Variants in HNMT observed in about 807,000 individuals in gnomAD.
HNMT encodes the protein histamine N-methyltransferase.
HNMT carries 30 observed loss-of-function variants against 32.1 expected under a neutral mutation model. That is an observed-to-expected ratio of 0.93 (90% CI 0.70 to 1.27). HNMT has a LOEUF of 1.27. HNMT is among the 50% of genes most tolerant of loss of function. The pLI, the probability that HNMT is intolerant of heterozygous loss-of-function variation, is 0.00. For missense variants in HNMT, 327 were observed against 346.0 expected, an observed-to-expected ratio of 0.95 and a Z score of 0.43; for synonymous variants, 125 against 119.0, an observed-to-expected ratio of 1.05 and a Z score of -0.33.
At chr2:137,967,219 T>A in intron 1 of HNMT, 1 of 703,488 alleles carries the variant, frequency 1.4e-6, no homozygotes, top group Non-Finnish European at 2.6e-6. Context: ...GAGACCAGCC[T>A]GGGCAACATA....
intron 2 of HNMT, among the ~76,000 whole-genome samples, chr2:137,981,939 C>T (rs761775166): frequency 6.6e-6 from 1 of 152,114 alleles, no homozygotes; most frequent in South Asian, 2.1e-4. Flanking sequence ...CTGCAACCTC[C>T]GTCTCTCAGG....
rs182345078 is a variant in HNMT, at chr2:138,011,998, G to C, written c.524-1777G>C. Among the ~76,000 whole-genome samples the C allele has an allele frequency of 1.1e-4, 16 of 152,182 alleles. No individual in the cohort carries two copies. The East Asian group carries it at 2.5e-3, about 24-fold the overall frequency. On this transcript the variant is annotated intron_variant, in intron 5 of 5. Transcript: ENST00000280097. ...TCTTTATTACTGCCCTGTACTGACT[G>C]TGTATGTAATATGCATGTATTAGAA... is the stretch of plus-strand genomic sequence containing the variant.
At chr2:137,978,311 C>T (rs948264389) in intron 2 of HNMT, among the ~76,000 whole-genome samples, 1 of 144,906 alleles carries the variant, frequency 6.9e-6, no homozygotes, top group Non-Finnish European at 1.5e-5. Context: ...TATATATTAA[C>T]TGTAATATAA....
intron 3 of HNMT, 118 bp downstream of exon 3, chr2:138,001,143 G>A (rs945029194): frequency 1.9e-6 from 1 of 523,892 alleles, no homozygotes; most frequent in Non-Finnish European, 3.4e-6. Flanking sequence ...AGCTTATTGG[G>A]AGAAGAACTG....
At chr2:137,976,534 G>A (rs971405273) in intron 2 of HNMT, among the ~76,000 whole-genome samples, 1 of 152,114 alleles carries the variant, frequency 6.6e-6, no homozygotes, top group East Asian at 1.9e-4. Context: ...CATGTTTGCT[G>A]TATTGAGGAA....
chr2:137,970,877 G>A (rs1208569563), intron 2 of HNMT, among the ~76,000 whole-genome samples: 43 of 142,550 alleles, frequency 3.0e-4, no homozygotes, highest in Non-Finnish European at 4.8e-4. Context: ...CCGAGATCGC[G>A]CCACTGCACT....
intron 2 of HNMT, among the ~76,000 whole-genome samples, chr2:137,986,962 GAATGAAA>G (rs1332753661): frequency 6.6e-6 from 1 of 152,094 alleles, no homozygotes; most frequent in Non-Finnish European, 1.5e-5. Flanking sequence ...CACAAGCACA[GAATGAAA>G]AATCATTAAT....
At chr2:137,966,582 G>A (rs1679964081) in intron 1 of HNMT, among the ~76,000 whole-genome samples, 2 of 151,892 alleles carry the variant, frequency 1.3e-5, no homozygotes, top group South Asian at 4.1e-4. Context: ...TTCCTTTTAC[G>A]TACAACTTTT....
intron 2 of HNMT, among the ~76,000 whole-genome samples, chr2:137,983,936 C>T (rs1680576519): frequency 6.6e-6 from 1 of 152,116 alleles, no homozygotes; most frequent in African/African-American, 2.4e-5. Flanking sequence ...ATTTTCTTGT[C>T]AAAGAGGCAG....
chr2:137,973,429 G>A (rs2104930479), intron 2 of HNMT, among the ~76,000 whole-genome samples: 1 of 152,278 alleles, frequency 6.6e-6, no homozygotes, highest in Non-Finnish European at 1.5e-5. Flanking sequence ...CAGGGTGCCT[G>A]AGAGTTTTGT....
In HNMT at chr2:138,009,305, T is replaced by C. The variant is rs561711366; in HGVS notation, c.523+4080T>C. 9.9e-5 allele frequency among the ~76,000 whole-genome samples: 15 copies of C among 152,208 alleles called. 1 individual carries two copies. The highest frequency in any genetic ancestry group is 3.4e-3 in the Middle Eastern group (1 of 294). ...AACACATACATTGTTGGTGAGAATG[T>C]AAAGTAGTTCAACCACTGTGGAAAG... On this transcript the variant is annotated intron_variant, in intron 5 of 5. Transcript: ENST00000280097.
chr2:137,988,412 T>C (rs1165628427), intron 2 of HNMT, among the ~76,000 whole-genome samples: 2 of 152,052 alleles, frequency 1.3e-5, no homozygotes, highest in African/African-American at 4.8e-5. Context: ...GAAAGGAAGA[T>C]AAAGGAAGAA....
intron 2 of HNMT, among the ~76,000 whole-genome samples, chr2:137,984,251 G>A (rs78093715): frequency 1.1e-4 from 16 of 152,212 alleles, no homozygotes; most frequent in East Asian, 3.9e-4. Flanking sequence ...CTCCTGGGTC[G>A]TAGGTTATGC....
chr2:138,001,122 T>C, intron 3 of HNMT, 97 bp downstream of exon 3: 1 of 576,438 alleles, frequency 1.7e-6, no homozygotes, highest in Admixed American at 3.6e-5. Flanking sequence ...TACTGTGGTA[T>C]GCTTTTCACA....
chr2:137,990,706 T>C (rs1371959833), intron 2 of HNMT, among the ~76,000 whole-genome samples: 1 of 152,188 alleles, frequency 6.6e-6, no homozygotes, highest in African/African-American at 2.4e-5. Context: ...CCCACACATA[T>C]TTATATGTAC....
At chr2:137,970,423 T>C (rs2104925043) in intron 2 of HNMT, among the ~76,000 whole-genome samples, 1 of 152,278 alleles carries the variant, frequency 6.6e-6, no homozygotes, top group South Asian at 2.1e-4. Context: ...CTATCTCTAT[T>C]GTGAATAAGT....
At chr2:137,973,503 G>T (rs1680194898) in intron 2 of HNMT, among the ~76,000 whole-genome samples, 1 of 152,072 alleles carries the variant, frequency 6.6e-6, no homozygotes, top group African/African-American at 2.4e-5. Flanking sequence ...AGCAAATGAG[G>T]TCATTGATCC....
At chr2:138,001,953 T>A (rs1681186791) in intron 3 of HNMT, 111 bp from the exon 4 acceptor site, 1 of 792,236 alleles carries the variant, frequency 1.3e-6, no homozygotes, top group African/African-American at 1.8e-5. Flanking sequence ...AAGAAAAACG[T>A]TCTTTCTATC....
chr2:138,000,703 C>T (rs1573671962), intron 2 of HNMT, among the ~76,000 whole-genome samples: 1 of 152,004 alleles, frequency 6.6e-6, no homozygotes, highest in Non-Finnish European at 1.5e-5. Context: ...ATCATGTAAA[C>T]GAATGGATGG....
Sources: gnomAD v4.1 joint callset for allele counts (sites outside exome capture counted in the v4.1 genomes callset) on GRCh38, gnomAD v4.1.1 for gene constraint, MANE v1.5 for transcripts, NCBI Gene and HGNC (gene_info 2026-07-23, HGNC 2026-07-21) for gene names.